GTF2H1: variants seen among roughly 807,000 people sequenced by gnomAD.
GTF2H1 encodes the protein BTF2 p62.
In GTF2H1, 16 loss-of-function variants were observed where a neutral mutation model predicts 71.2. That is an observed-to-expected ratio of 0.22 (90% CI 0.15 to 0.34). The LOEUF is 0.34. Among genes scored for constraint, GTF2H1 ranks in the 10% least tolerant of loss-of-function variants. The pLI is 1.00. For missense variants in GTF2H1, 498 were observed against 648.2 expected (o/e 0.77, Z 2.52); for synonymous variants, 215 against 219.0 (o/e 0.98, Z 0.16).
intron 13 of GTF2H1, 110 bp downstream of exon 13, chr11:18,358,750 T>A: frequency 5.8e-6 from 4 of 684,876 alleles, no homozygotes; most frequent in Non-Finnish European, 1.0e-5. Flanking sequence ...CTGGGATAAC[T>A]CTTTTGCATA....
intron 4 of GTF2H1, 151 bp downstream of exon 4, chr11:18,338,425 C>T: frequency 5.1e-6 from 3 of 589,598 alleles, no homozygotes; most frequent in Non-Finnish European, 8.9e-6. Context: ...TATTATTGAA[C>T]TATTATTATT....
At chr11:18,358,702 A>C (rs529907937) in intron 13 of GTF2H1, 62 bp downstream of exon 13, 2 of 1,016,876 alleles carry the variant, frequency 2.0e-6, no homozygotes, top group Admixed American at 1.8e-5. Context: ...AAGTTTTGAA[A>C]TTGGAAAGTT....
chr11:18,333,052 T>G lies in GTF2H1; in HGVS notation c.-15-8T>G. On this transcript the variant is annotated splice_polypyrimidine_tract_variant and splice_region_variant and intron_variant, in intron 1 of 14. Transcript: ENST00000265963. ...AGTTTTTTTCTTCATCTTTTTTTTC[T>G]CTCTTAGCACCTTCTAGCCACCATG... 6.4e-7 allele frequency: 1 copy of G among 1,558,074 alleles called. No homozygotes were observed. The highest frequency in any genetic ancestry group is 8.6e-7 in the Non-Finnish European group (1 of 1,157,488).
Position 18,351,958 on chromosome 11 carries a change from G to A in GTF2H1, c.1131G>A (p.Lys377=). The A allele has an allele frequency of 6.3e-7, 1 of 1,575,700 alleles. No homozygotes were observed. The highest frequency in any genetic ancestry group is 8.7e-7 in the Non-Finnish European group (1 of 1,145,408). The change falls in exon 10 of 15, where the codon AAG becomes AAA. Residue 377 remains lysine, a synonymous_variant. Coordinates refer to ENST00000265963, the MANE Select transcript of GTF2H1 (RefSeq NM_005316.4). ...TAAAAACGATTGCACTAAACCTCAA[G>A]AAGTCAGATAGGTAAGTTTGGTCAA... ...NSVKTIALNL[K]KSDRYYHGPT... is the part of the protein sequence containing the mutation.
At chr11:18,343,830 C>T (rs180797764) in intron 7 of GTF2H1, among the ~76,000 whole-genome samples, 16 of 152,190 alleles carry the variant, frequency 1.1e-4, no homozygotes, top group Non-Finnish European at 2.2e-4. Flanking sequence ...CGGCGAGTCT[C>T]CTTGATTCTT....
At chr11:18,330,098 G>A (rs891761526) in intron 1 of GTF2H1, among the ~76,000 whole-genome samples, 1 of 152,156 alleles carries the variant, frequency 6.6e-6, no homozygotes, top group Non-Finnish European at 1.5e-5. Context: ...AAAACGCATC[G>A]AACAGAATGC....
At chr11:18,357,559 ATAAATT>A (rs1212456036) in intron 11 of GTF2H1, among the ~76,000 whole-genome samples, 2 of 152,200 alleles carry the variant, frequency 1.3e-5, no homozygotes, top group African/African-American at 4.8e-5. Flanking sequence ...TCTTAGAAAA[ATAAATT>A]TAACAGAAAC....
At chr11:18,325,389 C>G (rs756536668) in intron 1 of GTF2H1, among the ~76,000 whole-genome samples, 10 of 152,184 alleles carry the variant, frequency 6.6e-5, no homozygotes, top group Non-Finnish European at 1.3e-4. Context: ...GATGTATATG[C>G]AAAGATTCCT....
Position 18,367,044 on chromosome 11 carries a change from A to G in GTF2H1, c.*1175A>G, listed in dbSNP as rs1865841953. ...TTTTTATACTTACCCTTTTAACTCT[A>G]ACACATCTCTGGTTTCTCATTATGT... is the stretch of plus-strand genomic sequence containing the variant. On this transcript the variant is annotated 3_prime_UTR_variant, in exon 15 of 15. Transcript: ENST00000265963. The G allele has an allele frequency of 6.6e-6, 1 of 152,168 alleles. No individual in the cohort carries two copies. Among genetic ancestry groups the G allele is most frequent in the Admixed American group, 6.5e-5 (1 of 15,276 alleles). 9.4% of individuals were successfully genotyped at this position (152,168 alleles called of 1,614,324 possible). A position where few individuals can be genotyped will look rare whatever the true frequency, so the allele number is the denominator to read the frequency against.
At chr11:18,359,492 C>T (rs1176460902) in intron 13 of GTF2H1, among the ~76,000 whole-genome samples, 1 of 152,132 alleles carries the variant, frequency 6.6e-6, no homozygotes, top group Non-Finnish European at 1.5e-5. Context: ...CTTTCTTCCA[C>T]TGCTAGTGTT....
Position 18,335,807 on chromosome 11 carries a change from C to T in GTF2H1, c.208C>T (p.His70Tyr). The T allele has an allele frequency of 6.2e-7, 1 of 1,614,036 alleles. No individual in the cohort carries two copies. The highest frequency in any genetic ancestry group is 8.5e-7 in the Non-Finnish European group (1 of 1,179,910). The stretch of plus-strand genomic sequence containing the variant: ...TAAAATTCAGCTTCAGCTGGTCCTA[C>T]ATGCAGGGGACACAACTAACTTCCA... The part of the protein sequence containing the change: ...KAKIQLQLVL[H>Y]AGDTTNFHFS... Residue 70 changes from histidine (H) to tyrosine (Y), a missense_variant, in exon 3 of 15, where the codon CAT (histidine) becomes TAT (tyrosine). This residue lies in a region of GTF2H1 where 216 missense variants were observed against 306.2 expected (regional missense o/e 0.71). Transcript: ENST00000265963.
In GTF2H1 at chr11:18,347,426, G is replaced by A. The variant is rs996065188; in HGVS notation, c.838-162G>A. ...TTAGTGCTATTTGTTAATCTTTTAT[G>A]TGCATAATGTCACTTGTTTTTAAAT... On this transcript the variant is annotated intron_variant, in intron 7 of 14. Transcript: ENST00000265963. The A allele has an allele frequency of 2.2e-4, 122 of 546,394 alleles. 1 individual carries two copies. The highest frequency in any genetic ancestry group is 3.6e-4 in the Non-Finnish European group (113 of 309,630). The allele number at this position is 546,394 out of a possible 1,614,324, so 33.8% of individuals were successfully genotyped here. A position where few individuals can be genotyped will look rare whatever the true frequency, so the allele number is the denominator to read the frequency against.
rs1181769509 is a variant in GTF2H1, at chr11:18,360,644, A to T, written c.1497A>T (p.Arg499=). The T allele has an allele frequency of 6.4e-7, 1 of 1,558,186 alleles. No homozygotes were observed. The highest frequency in any genetic ancestry group is 1.4e-5 in the African/African-American group (1 of 71,534). Residue 499 remains arginine (R), a synonymous_variant, in exon 14 of 15, where the codon CGA becomes CGT. Transcript: ENST00000265963. ...KVVKMKSNLE[R]FQVTKLCPFQ... The stretch of plus-strand genomic sequence containing the variant: ...TGAAAATGAAAAGTAATTTGGAACG[A>T]TTCCAAGTTACGAAGCTCTGTCCAT...
chr11:18,335,697 A>G (rs751087258), intron 2 of GTF2H1, 57 bp from the exon 3 acceptor site: 38 of 1,244,064 alleles, frequency 3.1e-5, no homozygotes, highest in Admixed American at 5.7e-5. Flanking sequence ...AACTTACTGT[A>G]TGGTTATTCC....
At chr11:18,335,974 AG>A (rs1168741138) in intron 3 of GTF2H1, 28 bp downstream of exon 3, 2 of 1,561,410 alleles carry the variant, frequency 1.3e-6, no homozygotes, top group Non-Finnish European at 1.8e-6. Flanking sequence ...GCCTTTTGAA[AG>A]AGATACTGGG....
intron 2 of GTF2H1, among the ~76,000 whole-genome samples, chr11:18,335,218 C>G (rs4150577): frequency 0.025 from 3,857 of 152,262 alleles, 145 homozygotes; most frequent in South Asian, 0.083. Context: ...GTTCCATCAC[C>G]TCAGAAAGCA....
chr11:18,333,223 T>C lies in GTF2H1; in HGVS notation c.149T>C (p.Ile50Thr). ...RFTISHMYAD[I>T]KCQKISPEGK... ...ACAATCAGCCATATGTATGCAGATATTAAATGTAAGTCAGCTATACTAAGT... is the reference window on the plus strand; with the variant it reads ...ACAATCAGCCATATGTATGCAGATACTAAATGTAAGTCAGCTATACTAAGT... The change falls in exon 2 of 15, where the codon ATT becomes ACT. Residue 50 changes from isoleucine (I) to threonine (T), a missense_variant. Coordinates refer to ENST00000265963, the MANE Select transcript of GTF2H1 (RefSeq NM_005316.4). 1 of 1,609,052 alleles carries C rather than the reference T, an allele frequency of 6.2e-7. No homozygotes were observed. Among genetic ancestry groups the C allele is most frequent in the East Asian group, 2.2e-5 (1 of 44,758 alleles).
At chr11:18,355,091 GTT>G (rs1565017439) in intron 11 of GTF2H1, among the ~76,000 whole-genome samples, 1 of 149,004 alleles carries the variant, frequency 6.7e-6, no homozygotes, top group Non-Finnish European at 1.5e-5. Flanking sequence ...ATTACAGGCC[GTT>G]TTTTTCTTTT....
chr11:18,356,022 C>T (rs1235511303), intron 11 of GTF2H1, among the ~76,000 whole-genome samples: 2 of 152,056 alleles, frequency 1.3e-5, no homozygotes, highest in Non-Finnish European at 2.9e-5. Flanking sequence ...ATGTTCCAGG[C>T]TTATCTTACA....
Sources: gnomAD v4.1 joint callset for allele counts (sites outside exome capture counted in the v4.1 genomes callset) on GRCh38, gnomAD v4.1.1 for gene constraint, gnomAD v4.1.1 regional missense constraint, MANE v1.5 for transcripts, NCBI Gene and HGNC (gene_info 2026-07-23, HGNC 2026-07-21) for gene names.